SLC22A15: variants seen among roughly 807,000 people sequenced by gnomAD.
SLC22A15 encodes the protein flipt 1.
A neutral mutation model predicts 62.7 loss-of-function variants in SLC22A15; 45 were observed. The observed-to-expected ratio is 0.72, with a 90% CI of 0.56 to 0.92. The LOEUF (loss-of-function observed/expected upper bound fraction) is 0.92. SLC22A15 is among the 40% of genes least tolerant of loss of function. The pLI is 0.00. For synonymous variants in SLC22A15, 264 were observed against 267.0 expected (o/e 0.99, Z 0.11); for missense variants, 622 against 665.6 (o/e 0.93, Z 0.72).
intron 4 of SLC22A15, among the ~76,000 whole-genome samples, chr1:116,025,345 G>A (rs1657036623): frequency 6.6e-6 from 1 of 152,112 alleles, no homozygotes; most frequent in South Asian, 2.1e-4. Context: ...ACCAGTAGTA[G>A]CTATTGACTG....
At chr1:116,015,452 T>C (rs1656477292) in intron 2 of SLC22A15, among the ~76,000 whole-genome samples, 1 of 152,210 alleles carries the variant, frequency 6.6e-6, no homozygotes. Context: ...GGGCTACTTC[T>C]TCCTAAAATT....
Position 116,037,296 on chromosome 1 carries a change from T to C in SLC22A15, c.1086-7T>C, listed in dbSNP as rs757412472. On this transcript the variant is annotated splice_region_variant and splice_polypyrimidine_tract_variant and intron_variant, in intron 7 of 11. Coordinates refer to ENST00000369503, the MANE Select transcript of SLC22A15 (RefSeq NM_018420.3). ...AGAGAACTGTGTAATTTCTTTCTAT[T>C]GTTTAGGTTTGGTCGGAAGCGAACA... The C allele has an allele frequency of 8.7e-6, 14 of 1,610,380 alleles. No homozygotes were observed. In the Admixed American group the frequency reaches 1.3e-4, roughly 15 times the overall value.
intron 2 of SLC22A15, among the ~76,000 whole-genome samples, chr1:116,015,604 A>G (rs770959879): frequency 9.2e-5 from 14 of 152,194 alleles, no homozygotes; most frequent in East Asian, 3.8e-4. Context: ...TAAGCACAAA[A>G]CAGATCAGTT....
At chr1:116,034,588 T>C (rs1220095507) in intron 6 of SLC22A15, among the ~76,000 whole-genome samples, 3 of 152,188 alleles carry the variant, frequency 2.0e-5, no homozygotes, top group Non-Finnish European at 4.4e-5. Context: ...AATTTTTCTT[T>C]CCTGTTCTGG....
Position 116,062,336 on chromosome 1 carries a change from C to T in SLC22A15, c.1172-426C>T, listed in dbSNP as rs189365638. On this transcript the variant is annotated intron_variant, in intron 8 of 11. Transcript: ENST00000369503. ...CATATAAGAGCTTTTCTGGAGCTTA[C>T]CTCTGTCTCATGTACTTATCAGGGC... Among the ~76,000 whole-genome samples, 3 of 152,294 alleles carry T rather than the reference C, an allele frequency of 2.0e-5. No homozygotes were observed. In the East Asian group the frequency reaches 5.8e-4, roughly 29 times the overall value.
intron 3 of SLC22A15, 123 bp from the exon 4 acceptor site, chr1:116,020,598 C>A: frequency 3.5e-6 from 3 of 849,080 alleles, no homozygotes; most frequent in Non-Finnish European, 5.0e-6. Context: ...AAGAAACCCA[C>A]AAAAACAGCT....
At chr1:116,018,416 G>C (rs1656650267) in intron 2 of SLC22A15, among the ~76,000 whole-genome samples, 1 of 151,924 alleles carries the variant, frequency 6.6e-6, no homozygotes, top group South Asian at 2.1e-4. Flanking sequence ...CCAGGCTGGA[G>C]TGCAGTGGCG....
intron 2 of SLC22A15, among the ~76,000 whole-genome samples, chr1:116,006,278 G>T (rs182121659): frequency 6.6e-6 from 1 of 152,026 alleles, no homozygotes; most frequent in East Asian, 1.9e-4. Flanking sequence ...AGGACAACAG[G>T]GATGAGGCAC....
chr1:116,064,598 T>C (rs751262794), intron 10 of SLC22A15, 90 bp downstream of exon 10: 5 of 838,860 alleles, frequency 6.0e-6, no homozygotes, highest in Non-Finnish European at 8.2e-6. Flanking sequence ...TGAACAGATG[T>C]CATTTAAGAT....
At chr1:116,019,245 T>C (rs1656698381) in intron 2 of SLC22A15, among the ~76,000 whole-genome samples, 1 of 152,204 alleles carries the variant, frequency 6.6e-6, no homozygotes, top group Non-Finnish European at 1.5e-5. Flanking sequence ...AGAATGGAAA[T>C]AAATGGGACA....
At chr1:116,064,315 G>A in intron 9 of SLC22A15, 121 bp from the exon 10 acceptor site, 1 of 693,688 alleles carries the variant, frequency 1.4e-6, no homozygotes, top group Non-Finnish European at 2.6e-6. Context: ...AGAACCCACT[G>A]TTCTCTAGGA....
chr1:116,033,058 G>C (rs1041801483), intron 6 of SLC22A15, among the ~76,000 whole-genome samples: 2 of 152,126 alleles, frequency 1.3e-5, no homozygotes, highest in Admixed American at 6.5e-5. Context: ...CCCTGAGGCT[G>C]AGAATGTTAA....
intron 8 of SLC22A15, among the ~76,000 whole-genome samples, chr1:116,053,661 T>C (rs1218002282): frequency 1.3e-5 from 2 of 152,116 alleles, no homozygotes; most frequent in Non-Finnish European, 2.9e-5. Flanking sequence ...AGAGAAAGGT[T>C]GGGTTACCCA....
intron 2 of SLC22A15, among the ~76,000 whole-genome samples, chr1:115,997,129 G>A (rs935517192): frequency 1.4e-4 from 21 of 152,010 alleles, no homozygotes; most frequent in Admixed American, 2.6e-4. Flanking sequence ...TTATCAAATC[G>A]AGGAAGCCTC....
chr1:115,991,010 G>A (rs574933622), intron 1 of SLC22A15, among the ~76,000 whole-genome samples: 6 of 152,214 alleles, frequency 3.9e-5, no homozygotes, highest in East Asian at 1.9e-4. Context: ...CACCTGCCTC[G>A]GCCTCCCAAA....
At chr1:116,019,836 G>T in intron 3 of SLC22A15, 122 bp downstream of exon 3, 1 of 1,108,508 alleles carries the variant, frequency 9.0e-7, no homozygotes, top group Admixed American at 3.1e-5. Flanking sequence ...ACACAGAACT[G>T]ATCTTTATTA....
chr1:116,039,153 G>C (rs1657716173), intron 8 of SLC22A15, among the ~76,000 whole-genome samples: 1 of 152,204 alleles, frequency 6.6e-6, no homozygotes, highest in Non-Finnish European at 1.5e-5. Flanking sequence ...AAACAGCGTA[G>C]CAGAGTATCT....
At chr1:116,057,664 CCAA>C (rs1266181856) in intron 8 of SLC22A15, among the ~76,000 whole-genome samples, 2 of 152,148 alleles carry the variant, frequency 1.3e-5, no homozygotes, top group African/African-American at 2.4e-5. Context: ...ACCCAAATAT[CCAA>C]CAACGATAGA....
chr1:116,044,373 G>A (rs1483847568), intron 8 of SLC22A15, among the ~76,000 whole-genome samples: 1 of 152,210 alleles, frequency 6.6e-6, no homozygotes, highest in Non-Finnish European at 1.5e-5. Flanking sequence ...GCCGAGGCAG[G>A]CGGTCAGGAA....
Sources: allele counts gnomAD v4.1 joint callset (sites outside exome capture counted in the v4.1 genomes callset), GRCh38; gene constraint gnomAD v4.1.1; transcripts MANE v1.5; gene names NCBI Gene and HGNC (gene_info 2026-07-23, HGNC 2026-07-21).